Variants in TCP11L1 observed in about 807,000 individuals in gnomAD.
The protein encoded by TCP11L1 is T-complex protein 11-like protein 1.
Under a neutral mutation model 48.9 loss-of-function variants are expected in TCP11L1, and 28 were observed. That is an observed-to-expected ratio of 0.57 (90% confidence interval 0.42 to 0.78). The LOEUF is 0.78. Among genes scored for constraint, TCP11L1 ranks in the 30% least tolerant of loss-of-function variants. The probability of loss-of-function intolerance (pLI) is 0.00; values close to 1 mark genes in which losing one functional copy is unlikely to be tolerated. For missense variants in TCP11L1, 505 were observed against 613.4 expected, an observed-to-expected ratio of 0.82 and a Z score of 1.87; for synonymous variants, 204 against 231.9, an observed-to-expected ratio of 0.88 and a Z score of 1.09.
intron 2 of TCP11L1, among the ~76,000 whole-genome samples, chr11:33,048,459 A>G (rs1854062983): frequency 6.6e-6 from 1 of 152,224 alleles, no homozygotes; most frequent in Admixed American, 6.5e-5. Flanking sequence ...TAAATTTGAG[A>G]ACTCTCACAA....
intron 9 of TCP11L1, among the ~76,000 whole-genome samples, chr11:33,070,206 A>G (rs1294917636): frequency 1.3e-5 from 2 of 151,038 alleles, no homozygotes; most frequent in Admixed American, 1.3e-4. Context: ...ACTTGAGCCC[A>G]GGAGTTTGAG....
chr11:33,055,073 A>G (rs1854272129), intron 3 of TCP11L1, among the ~76,000 whole-genome samples: 1 of 152,188 alleles, frequency 6.6e-6, no homozygotes, highest in South Asian at 2.1e-4. Flanking sequence ...GCACTTAACC[A>G]TTTTTTTATT....
At chr11:33,044,810 A>G (rs968418578) in intron 2 of TCP11L1, among the ~76,000 whole-genome samples, 3 of 152,224 alleles carry the variant, frequency 2.0e-5, no homozygotes, top group Admixed American at 6.5e-5. Context: ...ATTGTGTCCA[A>G]GGAAACATGT....
chr11:33,066,885 G>T (rs1179611490), intron 8 of TCP11L1, among the ~76,000 whole-genome samples: 2 of 152,052 alleles, frequency 1.3e-5, no homozygotes, highest in Non-Finnish European at 2.9e-5. Flanking sequence ...CTTAACACAC[G>T]TGTAACAGAA....
chr11:33,045,677 A>G (rs973416664), intron 2 of TCP11L1, among the ~76,000 whole-genome samples: 4 of 152,122 alleles, frequency 2.6e-5, no homozygotes, highest in Admixed American at 1.3e-4. Flanking sequence ...GGTTGTTGGG[A>G]TGGCCAGACC....
intron 2 of TCP11L1, among the ~76,000 whole-genome samples, chr11:33,053,260 T>C (rs545472578): frequency 1.2e-3 from 180 of 150,460 alleles, no homozygotes; most frequent in Non-Finnish European, 2.2e-3. Flanking sequence ...TCCTTTCGCC[T>C]CAGCCTCCCA....
chr11:33,065,952 C>T lies in TCP11L1; in HGVS notation c.1095C>T (p.Ala365=), dbSNP rs746022972. Residue 365 remains alanine, a synonymous_variant, in exon 8 of 10, where the codon GCC becomes GCT. Coordinates refer to ENST00000334274, the MANE Select transcript of TCP11L1 (RefSeq NM_018393.4). ...CAGCGCCAGGAATTTCCAGCCAGGC[C>T]GACTTTGCTGAGAAACTCAAGATGA... ...SMAAPGISSQ[A]DFAEKLKMIV... 22 of 1,614,058 alleles carry T rather than the reference C, an allele frequency of 1.4e-5. No individual in the cohort carries two copies. Among genetic ancestry groups the T allele is most frequent in the South Asian group, 4.4e-5 (4 of 91,090 alleles).
chr11:33,051,286 G>A (rs150252136), intron 2 of TCP11L1, among the ~76,000 whole-genome samples: 3,258 of 151,938 alleles, frequency 0.021, 96 homozygotes, highest in African/African-American at 0.074. Flanking sequence ...TCTTGCCTCA[G>A]CCTCCCAAGT....
At chr11:33,056,819 C>T (rs1854323046) in intron 3 of TCP11L1, 4 of 300,580 alleles carry the variant, frequency 1.3e-5, no homozygotes, top group Non-Finnish European at 1.9e-5. Flanking sequence ...AAATTAACAG[C>T]TTTGAACTTT....
intron 6 of TCP11L1, among the ~76,000 whole-genome samples, chr11:33,059,563 T>A (rs547885416): frequency 1.3e-5 from 2 of 152,364 alleles, no homozygotes; most frequent in Admixed American, 1.3e-4. Flanking sequence ...ACCTCTCCGA[T>A]GACTGCAGAA....
rs182189157 is a variant in TCP11L1, at chr11:33,071,437, T to C, written c.1328-1037T>C. Among the ~76,000 whole-genome samples the C allele has an allele frequency of 5.1e-4, 78 of 152,352 alleles. No homozygotes were observed. The East Asian group carries it at 0.012, about 23-fold the overall frequency. ...GATTCCCCAGGCAGGAGGCAAGGCA[T>C]GTAGTTTGAAAAAGTCTATTCCATA... On this transcript the variant is annotated intron_variant, in intron 9 of 9. Transcript: ENST00000334274.
chr11:33,053,936 C>T (rs1204833533), intron 2 of TCP11L1, among the ~76,000 whole-genome samples: 1 of 152,156 alleles, frequency 6.6e-6, no homozygotes, highest in Non-Finnish European at 1.5e-5. Flanking sequence ...CAGCCTCAAC[C>T]TCCTGAGTAG....
chr11:33,068,960 G>C, intron 9 of TCP11L1, 101 bp downstream of exon 9: 1 of 1,410,080 alleles, frequency 7.1e-7, no homozygotes, highest in Non-Finnish European at 9.6e-7. Context: ...TTAAGGTGCT[G>C]ATGGGTGAGG....
At chr11:33,061,802 C>CAGGCACGGTG in intron 7 of TCP11L1, 76 bp downstream of exon 7, 1 of 1,410,658 alleles carries the variant, frequency 7.1e-7, no homozygotes, top group Non-Finnish European at 9.4e-7. Context: ...TAGCTTTGGC[C>CAGGCACGGTG]AGGCACGGTG....
At chr11:33,053,746 T>A (rs891176307) in intron 2 of TCP11L1, among the ~76,000 whole-genome samples, 1 of 152,230 alleles carries the variant, frequency 6.6e-6, no homozygotes, top group East Asian at 1.9e-4. Flanking sequence ...CACAGTATCC[T>A]GTACAAGATA....
At chr11:33,067,258 A>G (rs745662850) in intron 8 of TCP11L1, among the ~76,000 whole-genome samples, 24 of 152,154 alleles carry the variant, frequency 1.6e-4, no homozygotes, top group Non-Finnish European at 2.9e-4. Flanking sequence ...TTTCCAGCCT[A>G]TAGAATATCT....
Position 33,068,801 on chromosome 11 carries a change from G to A in TCP11L1, c.1269G>A (p.Val423=). ...CCTTCACCACGGACAAGGAGACCGT[G>A]CTCAAGGGCCAGATCCAGGCCGTGG... The part of the protein sequence containing the change: ...SSPFTTDKET[V]LKGQIQAVAS... The change falls in exon 9 of 10, where the codon GTG becomes GTA. Residue 423 remains valine (V), a synonymous_variant. Coordinates refer to ENST00000334274, the MANE Select transcript of TCP11L1 (RefSeq NM_018393.4). 1 of 1,614,116 alleles carries A rather than the reference G, an allele frequency of 6.2e-7. No homozygotes were observed. Among genetic ancestry groups the A allele is most frequent in the Non-Finnish European group, 8.5e-7 (1 of 1,180,004 alleles).
chr11:33,068,924 G>A, intron 9 of TCP11L1, 65 bp downstream of exon 9: 2 of 1,558,310 alleles, frequency 1.3e-6, no homozygotes, highest in Non-Finnish European at 1.7e-6. Context: ...GAGTCCATCT[G>A]AAGAAACCTG....
intron 2 of TCP11L1, among the ~76,000 whole-genome samples, chr11:33,046,553 C>T (rs1416916477): frequency 6.6e-6 from 1 of 152,210 alleles, no homozygotes; most frequent in Non-Finnish European, 1.5e-5. Flanking sequence ...GTCGTGGAAG[C>T]TTTCATTAAG....
Sources: allele counts gnomAD v4.1 joint callset (sites outside exome capture counted in the v4.1 genomes callset), GRCh38; gene constraint gnomAD v4.1.1; transcripts MANE v1.5; gene names NCBI Gene and HGNC (gene_info 2026-07-23, HGNC 2026-07-21).